Variants in TDRD5 observed in about 807,000 individuals in gnomAD.
TDRD5 encodes tudor domain-containing protein 5.
Under a neutral mutation model 120.6 loss-of-function variants are expected in TDRD5, and 41 were observed. The ratio of observed to expected loss-of-function variants is 0.34; its 90% CI spans 0.26 to 0.44. TDRD5 has a LOEUF of 0.44. Among genes scored for constraint, TDRD5 ranks in the 20% least tolerant of loss-of-function variants. The probability of loss-of-function intolerance (pLI) is 1.00; values close to 1 mark genes in which losing one functional copy is unlikely to be tolerated. For synonymous variants in TDRD5, 430 were observed against 433.7 expected, an observed-to-expected ratio of 0.99 and a Z score of 0.11; for missense variants, 1,006 against 1,221.2, an observed-to-expected ratio of 0.82 and a Z score of 2.63.
At chr1:179,654,439 A>G in intron 14 of TDRD5, 77 bp downstream of exon 14, 1 of 1,379,764 alleles carries the variant, frequency 7.2e-7, no homozygotes, top group Admixed American at 2.7e-5. Flanking sequence ...GGACTGGAAT[A>G]AACTCTGTTT....
intron 11 of TDRD5, among the ~76,000 whole-genome samples, chr1:179,650,400 CAAAA>C (rs35053562): frequency 1.1e-5 from 1 of 90,946 alleles, no homozygotes; most frequent in Non-Finnish European, 2.1e-5. Context: ...GACTCTGTCT[CAAAA>C]AAAAAAAAAA....
At chr1:179,678,966 T>G (rs927328872) in intron 17 of TDRD5, among the ~76,000 whole-genome samples, 3 of 152,208 alleles carry the variant, frequency 2.0e-5, no homozygotes, top group African/African-American at 7.2e-5. Context: ...GCATTTTATC[T>G]TATTACAAAT....
chr1:179,677,725 A>G (rs530008076), intron 17 of TDRD5, among the ~76,000 whole-genome samples: 1 of 152,332 alleles, frequency 6.6e-6, no homozygotes, highest in East Asian at 1.9e-4. Flanking sequence ...TCTTGCAGCC[A>G]TAGATACCAG....
chr1:179,655,244 C>T (rs1365380163), intron 14 of TDRD5, among the ~76,000 whole-genome samples: 1 of 152,046 alleles, frequency 6.6e-6, no homozygotes, highest in Non-Finnish European at 1.5e-5. Flanking sequence ...ATCGCCTTAC[C>T]ACCACCACAC....
At chr1:179,640,668 A>C (rs1315818594) in intron 11 of TDRD5, among the ~76,000 whole-genome samples, 1 of 152,240 alleles carries the variant, frequency 6.6e-6, no homozygotes, top group African/African-American at 2.4e-5. Flanking sequence ...TGCAAAAGGA[A>C]GATTGCTTGT....
chr1:179,605,762 T>C (rs1246451883), intron 4 of TDRD5, among the ~76,000 whole-genome samples: 1 of 152,176 alleles, frequency 6.6e-6, no homozygotes, highest in Non-Finnish European at 1.5e-5. Flanking sequence ...GTAATATGCA[T>C]TTAAGGTTCC....
At chr1:179,601,141 C>CTGT (rs60888896) in intron 4 of TDRD5, among the ~76,000 whole-genome samples, 15 of 151,818 alleles carry the variant, frequency 9.9e-5, no homozygotes, top group Non-Finnish European at 2.2e-4. Flanking sequence ...TTCTTTTTAA[C>CTGT]TTTTTTAATG....
intron 17 of TDRD5, among the ~76,000 whole-genome samples, chr1:179,683,405 T>G (rs140166020): frequency 6.6e-6 from 1 of 152,206 alleles, no homozygotes; most frequent in Non-Finnish European, 1.5e-5. Context: ...CCTTTTGATA[T>G]CCGAGCTCAC....
chr1:179,640,150 C>A, intron 10 of TDRD5, 99 bp downstream of exon 10: 2 of 1,298,452 alleles, frequency 1.5e-6, no homozygotes, highest in Non-Finnish European at 2.2e-6. Flanking sequence ...TGCCTTCCTC[C>A]CTCCAATCCT....
intron 15 of TDRD5, 126 bp from the exon 16 acceptor site, chr1:179,663,222 G>C: frequency 8.8e-7 from 1 of 1,136,420 alleles, no homozygotes. Context: ...AACTGATATA[G>C]AAAGTTAATA....
intron 15 of TDRD5, among the ~76,000 whole-genome samples, 159 bp downstream of exon 15, chr1:179,662,445 A>G (rs1679363346): frequency 6.6e-6 from 1 of 152,138 alleles, no homozygotes; most frequent in South Asian, 2.1e-4. Context: ...TACTAAAAAT[A>G]GCCAGGTGTG....
At chr1:179,608,582 T>G (rs139105079) in intron 4 of TDRD5, among the ~76,000 whole-genome samples, 1 of 152,276 alleles carries the variant, frequency 6.6e-6, no homozygotes, top group Non-Finnish European at 1.5e-5. Context: ...ATGTTGCATT[T>G]TTAATCTTCA....
Position 179,592,737 on chromosome 1 carries a change from A to G in TDRD5, c.122A>G (p.Asn41Ser). 6.2e-7 allele frequency: 1 copy of G among 1,614,066 alleles called. No individual in the cohort carries two copies. The change falls in exon 2 of 18, where the codon AAC becomes AGC. Residue 41 changes from asparagine (N) to serine (S), a missense_variant. Around this residue, in one of 3 missense-constraint regions of TDRD5, gnomAD observed 445 missense variants for 515.5 expected, o/e 0.86. Coordinates refer to ENST00000444136, the MANE Select transcript of TDRD5 (RefSeq NM_001199085.3). ...AAGGAGTACCTTTTGATGGTTGGCA[A>G]CCATCTACCACTCCGAATCCTTGGG... ...LEKEYLLMVG[N>S]HLPLRILGYR... is the part of the protein sequence containing the mutation.
At chr1:179,681,104 G>A (rs1680397267) in intron 17 of TDRD5, among the ~76,000 whole-genome samples, 1 of 152,072 alleles carries the variant, frequency 6.6e-6, no homozygotes, top group African/African-American at 2.4e-5. Context: ...TTGAAATGGG[G>A]TCTCACTCTG....
chr1:179,642,748 T>A (rs564446105), intron 11 of TDRD5, among the ~76,000 whole-genome samples: 2 of 152,322 alleles, frequency 1.3e-5, no homozygotes, highest in East Asian at 3.9e-4. Flanking sequence ...GCTCAATAAC[T>A]AGGTTTTTAA....
intron 17 of TDRD5, among the ~76,000 whole-genome samples, chr1:179,679,417 ATT>A (rs1680312064): frequency 6.6e-6 from 1 of 151,954 alleles, no homozygotes; most frequent in African/African-American, 2.4e-5. Context: ...TTCTATTAAT[ATT>A]GTCTGGAAGA....
chr1:179,621,129 G>T, intron 6 of TDRD5, 38 bp downstream of exon 6: 1 of 1,560,782 alleles, frequency 6.4e-7, no homozygotes, highest in African/African-American at 1.4e-5. Context: ...AATTTTTTAT[G>T]GCTTATATTT....
At chr1:179,614,748 G>A (rs1365567614) in intron 4 of TDRD5, among the ~76,000 whole-genome samples, 2 of 151,728 alleles carry the variant, frequency 1.3e-5, no homozygotes, top group South Asian at 2.1e-4. Context: ...CGGGGGAGGG[G>A]GGGTTTAAAA....
At chr1:179,624,230 C>A (rs559067677) in intron 6 of TDRD5, among the ~76,000 whole-genome samples, 2 of 151,990 alleles carry the variant, frequency 1.3e-5, no homozygotes, top group South Asian at 4.2e-4. Flanking sequence ...AATTTAATAC[C>A]CATCCACAAT....
Sources: gnomAD v4.1 joint callset for allele counts (sites outside exome capture counted in the v4.1 genomes callset) on GRCh38, gnomAD v4.1.1 for gene constraint, gnomAD v4.1.1 regional missense constraint, MANE v1.5 for transcripts, NCBI Gene and HGNC (gene_info 2026-07-23, HGNC 2026-07-21) for gene names.